Variants in SP4 observed in about 807,000 individuals in gnomAD.
SP4 encodes the protein transcription factor Sp4.
A neutral mutation model predicts 72.8 loss-of-function variants in SP4; 19 were observed. The observed-to-expected ratio is 0.26, with a 90% CI of 0.18 to 0.38. The LOEUF (loss-of-function observed/expected upper bound fraction) is 0.38, where lower values mean the gene tolerates loss of function less well. SP4 is among the 10% of genes least tolerant of loss of function. The pLI, the probability that SP4 is intolerant of heterozygous loss-of-function variation, is 1.00. For missense variants in SP4, 1,008 were observed against 926.3 expected (o/e 1.09, Z -1.14); for synonymous variants, 395 against 333.1 (o/e 1.19, Z -2.02).
Position 21,482,077 on chromosome 7 carries a change from A to G in SP4, c.2061A>G (p.Arg687=). Residue 687 remains arginine, a synonymous_variant, in exon 5 of 6, where the codon AGA becomes AGG. Transcript: ENST00000222584. The part of the protein sequence containing the change: ...FICNWMFCGK[R]FTRSDELQRH... Reference sequence around the variant, plus strand: ...GCAACTGGATGTTTTGTGGCAAAAGATTCACACGGAGTGATGAGCTCCAGA... The same window carrying G: ...GCAACTGGATGTTTTGTGGCAAAAGGTTCACACGGAGTGATGAGCTCCAGA... 6.2e-7 allele frequency: 1 copy of G among 1,614,096 alleles called. No homozygotes were observed. The highest frequency in any genetic ancestry group is 8.5e-7 in the Non-Finnish European group (1 of 1,179,934).
chr7:21,463,257 G>A (rs1784052106), intron 3 of SP4, among the ~76,000 whole-genome samples: 1 of 151,866 alleles, frequency 6.6e-6, no homozygotes, highest in Admixed American at 6.6e-5. Context: ...CAGATTGTAA[G>A]GTGCAAGGAA....
chr7:21,458,657 C>T (rs2128401107), intron 3 of SP4, among the ~76,000 whole-genome samples: 1 of 152,146 alleles, frequency 6.6e-6, no homozygotes, highest in Non-Finnish European at 1.5e-5. Context: ...CTCCTTTTCC[C>T]CAAATAAGTG....
intron 3 of SP4, among the ~76,000 whole-genome samples, chr7:21,465,254 A>T (rs539926245): frequency 3.8e-4 from 58 of 152,272 alleles, no homozygotes; most frequent in African/African-American, 1.3e-3. Flanking sequence ...GGAGTTTCAA[A>T]AGAGCAATAC....
chr7:21,429,206 A>T, intron 2 of SP4, 83 bp from the exon 3 acceptor site: 1 of 695,652 alleles, frequency 1.4e-6, no homozygotes, highest in East Asian at 2.6e-5. Context: ...AAAATAAGTA[A>T]CCCCCTGGCA....
intron 3 of SP4, among the ~76,000 whole-genome samples, chr7:21,469,172 A>T (rs1026731918): frequency 6.6e-5 from 10 of 152,176 alleles, no homozygotes; most frequent in African/African-American, 2.2e-4. Context: ...AATATTGCAC[A>T]ACTATTAAAA....
chr7:21,490,711 C>G (rs1784954816), intron 5 of SP4, among the ~76,000 whole-genome samples: 1 of 152,106 alleles, frequency 6.6e-6, no homozygotes, highest in African/African-American at 2.4e-5. Context: ...TTGCACTGGG[C>G]TCAACCTTGA....
intron 5 of SP4, among the ~76,000 whole-genome samples, chr7:21,501,852 A>C (rs1321792740): frequency 6.6e-6 from 1 of 152,116 alleles, no homozygotes; most frequent in Admixed American, 6.5e-5. Context: ...CTGTTTTCCC[A>C]GGCCATTTGG....
At chr7:21,454,385 A>G (rs1242060138) in intron 3 of SP4, among the ~76,000 whole-genome samples, 1 of 150,292 alleles carries the variant, frequency 6.7e-6, no homozygotes, top group Non-Finnish European at 1.5e-5. Flanking sequence ...TACACAGACC[A>G]TCTACAACAT....
At chr7:21,467,582 G>A (rs1784204769) in intron 3 of SP4, among the ~76,000 whole-genome samples, 1 of 151,982 alleles carries the variant, frequency 6.6e-6, no homozygotes, top group Admixed American at 6.6e-5. Flanking sequence ...TATACATCCT[G>A]CTTGCTTATT....
chr7:21,438,669 A>G (rs1037586837), intron 3 of SP4, among the ~76,000 whole-genome samples: 10 of 152,166 alleles, frequency 6.6e-5, no homozygotes, highest in Non-Finnish European at 8.8e-5. Flanking sequence ...GTGGTCAACT[A>G]TGGTCCAAAA....
chr7:21,490,152 A>G (rs1784938764), intron 5 of SP4, among the ~76,000 whole-genome samples: 2 of 152,216 alleles, frequency 1.3e-5, no homozygotes, highest in African/African-American at 4.8e-5. Context: ...TATAGCAGGC[A>G]ATTGAGAAAT....
intron 5 of SP4, among the ~76,000 whole-genome samples, chr7:21,487,141 C>T (rs925606323): frequency 4.6e-5 from 7 of 152,160 alleles, no homozygotes; most frequent in Admixed American, 3.3e-4. Context: ...CATTTTCTTG[C>T]TCAAATTGTT....
At chr7:21,460,199 C>T (rs563259137) in intron 3 of SP4, among the ~76,000 whole-genome samples, 15 of 152,304 alleles carry the variant, frequency 9.8e-5, no homozygotes, top group South Asian at 2.1e-4. Context: ...AATGAAGCCA[C>T]GGACCCTTGC....
chr7:21,429,265 C>CCGGGTGCGG, intron 2 of SP4, 24 bp from the exon 3 acceptor site: 1 of 1,200,146 alleles, frequency 8.3e-7, no homozygotes, highest in Middle Eastern at 2.0e-4. Context: ...CCCCCCCTCT[C>CCGGGTGCGG]CTTTACCGTC....
chr7:21,454,626 G>T (rs375142138), intron 3 of SP4, among the ~76,000 whole-genome samples: 8 of 152,224 alleles, frequency 5.3e-5, no homozygotes, highest in African/African-American at 1.7e-4. Context: ...AGGGGGAGCA[G>T]ATGAGGTTAT....
At chr7:21,453,551 A>G (rs866892647) in intron 3 of SP4, among the ~76,000 whole-genome samples, 6 of 152,230 alleles carry the variant, frequency 3.9e-5, no homozygotes, top group African/African-American at 9.6e-5. Context: ...ACCCATACCA[A>G]TAACACACTT....
intron 5 of SP4, 142 bp from the exon 6 acceptor site, chr7:21,510,880 C>G: frequency 1.4e-6 from 1 of 736,034 alleles, no homozygotes. Context: ...TATTTGATAA[C>G]GTTTTTAAAT....
At chr7:21,498,654 C>T (rs1030418585) in intron 5 of SP4, among the ~76,000 whole-genome samples, 7 of 152,116 alleles carry the variant, frequency 4.6e-5, no homozygotes, top group East Asian at 1.9e-4. Context: ...TGAAAATTTG[C>T]GTGTAACTTT....
At chr7:21,428,279 T>C in intron 1 of SP4, 21 bp downstream of exon 1, 1 of 1,237,678 alleles carries the variant, frequency 8.1e-7, no homozygotes, top group Non-Finnish European at 1.1e-6. Flanking sequence ...TCCACCCCCC[T>C]CAGTCTCCTT....
Sources: gnomAD v4.1 joint callset for allele counts (sites outside exome capture counted in the v4.1 genomes callset) on GRCh38, gnomAD v4.1.1 for gene constraint, MANE v1.5 for transcripts, NCBI Gene and HGNC (gene_info 2026-07-23, HGNC 2026-07-21) for gene names.